The following RSRC1 variants were observed in gnomAD, a reference collection of about 807,000 sequenced individuals.
RSRC1 encodes arginine and serine rich coiled-coil 1.
A neutral mutation model predicts 49.1 loss-of-function variants in RSRC1; 39 were observed. The ratio of observed to expected loss-of-function variants is 0.79; its 90% CI spans 0.61 to 1.04. The LOEUF is 1.04. Among genes scored for constraint, RSRC1 ranks in the 50% least tolerant of loss-of-function variants. The probability of loss-of-function intolerance (pLI) is 0.00; values close to 1 mark genes in which losing one functional copy is unlikely to be tolerated. For missense variants in RSRC1, 388 were observed against 402.4 expected, an observed-to-expected ratio of 0.96 and a Z score of 0.31; for synonymous variants, 143 against 130.8, an observed-to-expected ratio of 1.09 and a Z score of -0.63.
At chr3:158,334,134 T>G (rs964661834) in intron 5 of RSRC1, among the ~76,000 whole-genome samples, 1 of 152,180 alleles carries the variant, frequency 6.6e-6, no homozygotes, top group African/African-American at 2.4e-5. Flanking sequence ...GCTATAAAGA[T>G]GCTAAATAAA....
At chr3:158,120,181 T>C (rs1443202402) in intron 1 of RSRC1, among the ~76,000 whole-genome samples, 1 of 152,188 alleles carries the variant, frequency 6.6e-6, no homozygotes, top group Non-Finnish European at 1.5e-5. Flanking sequence ...TTTTACCTAT[T>C]GTAGTTTCAT....
chr3:158,451,606 T>G (rs1737037419), intron 6 of RSRC1, among the ~76,000 whole-genome samples: 1 of 152,028 alleles, frequency 6.6e-6, no homozygotes, highest in African/African-American at 2.4e-5. Context: ...AAATCCTAAA[T>G]GTAAATATCC....
intron 4 of RSRC1, among the ~76,000 whole-genome samples, chr3:158,256,098 G>C (rs749337441): frequency 3.3e-5 from 5 of 152,166 alleles, no homozygotes; most frequent in Admixed American, 1.3e-4. Flanking sequence ...CCAACACTGT[G>C]TTGAATCCGA....
At chr3:158,112,957 C>T (rs777214414) in intron 1 of RSRC1, among the ~76,000 whole-genome samples, 7 of 152,126 alleles carry the variant, frequency 4.6e-5, no homozygotes, top group Non-Finnish European at 8.8e-5. Context: ...CATCCATGTC[C>T]GTGCAAATGA....
chr3:158,317,314 T>C (rs1199528070), intron 5 of RSRC1, among the ~76,000 whole-genome samples: 1 of 152,080 alleles, frequency 6.6e-6, no homozygotes, highest in Non-Finnish European at 1.5e-5. Context: ...CTGCAAACTC[T>C]GCCTTGTGGG....
chr3:158,262,666 A>AAT lies in RSRC1; in HGVS notation c.495-35371_495-35370dup, dbSNP rs1385765002. The stretch of plus-strand genomic sequence containing the variant: ...TCAGTTTGGGGAGAATTGACATGTT[A>AAT]ATAATATTGACTCTTTTAGCGCAGT... On this transcript the variant is annotated intron_variant, in intron 4 of 9. Transcript: ENST00000611884. 6.6e-5 allele frequency among the ~76,000 whole-genome samples: 10 copies of AAT among 152,164 alleles called. No individual in the cohort carries two copies. In the South Asian group the frequency reaches 1.4e-3, roughly 22 times the overall value.
At chr3:158,124,583 GATTCA>G (rs958343472) in intron 3 of RSRC1, among the ~76,000 whole-genome samples, 5 of 152,112 alleles carry the variant, frequency 3.3e-5, no homozygotes, top group Admixed American at 3.3e-4. Context: ...TTTGCTTACT[GATTCA>G]ATCTCCTTGT....
intron 6 of RSRC1, among the ~76,000 whole-genome samples, chr3:158,447,222 A>G (rs1375713944): frequency 6.6e-6 from 1 of 152,014 alleles, no homozygotes; most frequent in East Asian, 1.9e-4. Flanking sequence ...TGTATATATT[A>G]TAACACTGAT....
chr3:158,494,364 C>A (rs1739216706), intron 7 of RSRC1, among the ~76,000 whole-genome samples: 1 of 152,214 alleles, frequency 6.6e-6, no homozygotes, highest in South Asian at 2.1e-4. Flanking sequence ...GGCACTTAAC[C>A]ATAAATGGAG....
chr3:158,144,410 T>C (rs1242728105), intron 3 of RSRC1, among the ~76,000 whole-genome samples: 1 of 152,174 alleles, frequency 6.6e-6, no homozygotes, highest in Admixed American at 6.5e-5. Context: ...TTGCGATAGT[T>C]TGCTGAGAAT....
intron 5 of RSRC1, among the ~76,000 whole-genome samples, chr3:158,350,089 T>A (rs1730782670): frequency 6.6e-6 from 1 of 151,596 alleles, no homozygotes; most frequent in Admixed American, 6.6e-5. Context: ...ATTTTTGTGA[T>A]ATTCTTTAAT....
chr3:158,484,113 G>A (rs1332485033), intron 7 of RSRC1, among the ~76,000 whole-genome samples: 1 of 152,088 alleles, frequency 6.6e-6, no homozygotes, highest in African/African-American at 2.4e-5. Flanking sequence ...AGGCAGGGGT[G>A]ATTAAGTGTT....
chr3:158,132,224 G>A (rs1024519552), intron 3 of RSRC1: 4 of 391,494 alleles, frequency 1.0e-5, no homozygotes, highest in South Asian at 3.9e-5. Context: ...GAGCTCAAGC[G>A]ATCCCCCTGC....
chr3:158,466,797 C>T (rs1303393021), intron 7 of RSRC1, among the ~76,000 whole-genome samples: 3 of 152,298 alleles, frequency 2.0e-5, no homozygotes, highest in South Asian at 2.1e-4. Flanking sequence ...CATGATGGCT[C>T]ACATCTGTAA....
At chr3:158,201,009 C>G (rs1455799247) in intron 3 of RSRC1, among the ~76,000 whole-genome samples, 1 of 152,056 alleles carries the variant, frequency 6.6e-6, no homozygotes, top group Non-Finnish European at 1.5e-5. Flanking sequence ...GCCTGAAGAA[C>G]TTTCTTTAGT....
intron 4 of RSRC1, among the ~76,000 whole-genome samples, chr3:158,249,456 T>C (rs1002848362): frequency 1.5e-4 from 23 of 152,234 alleles, no homozygotes; most frequent in African/African-American, 5.5e-4. Context: ...TCTTTGTTGC[T>C]GAATAGTATT....
At chr3:158,338,550 GT>G (rs1218622703) in intron 5 of RSRC1, among the ~76,000 whole-genome samples, 1 of 152,170 alleles carries the variant, frequency 6.6e-6, no homozygotes, top group African/African-American at 2.4e-5. Context: ...CTGCAAATAT[GT>G]TTAGTAGTTT....
chr3:158,360,151 G>A (rs1479132305), intron 6 of RSRC1, among the ~76,000 whole-genome samples: 2 of 152,094 alleles, frequency 1.3e-5, no homozygotes, highest in African/African-American at 4.8e-5. Flanking sequence ...TCAGCAGAGA[G>A]GAAGCCCTAG....
chr3:158,390,397 G>A (rs1224178168), intron 6 of RSRC1, among the ~76,000 whole-genome samples: 1 of 152,056 alleles, frequency 6.6e-6, no homozygotes, highest in Non-Finnish European at 1.5e-5. Context: ...TAGGACTGAG[G>A]GGCCGCATGT....
Sources: gnomAD v4.1 joint callset for allele counts (sites outside exome capture counted in the v4.1 genomes callset) on GRCh38, gnomAD v4.1.1 for gene constraint, MANE v1.5 for transcripts, NCBI Gene and HGNC (gene_info 2026-07-23, HGNC 2026-07-21) for gene names.